The following CTNNAL1 variants were observed in gnomAD, a reference collection of about 807,000 sequenced individuals.
The protein encoded by CTNNAL1 is alpha-catulin.
In CTNNAL1, 69 loss-of-function variants were observed where a neutral mutation model predicts 93.6. That is an observed-to-expected ratio of 0.74 (90% confidence interval 0.61 to 0.90). The LOEUF (loss-of-function observed/expected upper bound fraction) is 0.90, where lower values mean the gene tolerates loss of function less well. Among genes scored for constraint, CTNNAL1 ranks in the 40% least tolerant of loss-of-function variants. The pLI is 0.00. For synonymous variants in CTNNAL1, 286 were observed against 305.4 expected (o/e 0.94, Z 0.66); for missense variants, 836 against 862.0 (o/e 0.97, Z 0.38).
intron 11 of CTNNAL1, among the ~76,000 whole-genome samples, chr9:108,962,116 C>T (rs1203464220): frequency 6.6e-6 from 1 of 152,176 alleles, no homozygotes; most frequent in Admixed American, 6.5e-5. Context: ...CTATAGTTTA[C>T]TCACTGTGGG....
chr9:108,996,744 T>G (rs1207061335), intron 2 of CTNNAL1, among the ~76,000 whole-genome samples: 1 of 152,112 alleles, frequency 6.6e-6, no homozygotes, highest in Non-Finnish European at 1.5e-5. Context: ...CCACAAAGCT[T>G]TCTTGCAAAA....
intron 11 of CTNNAL1, among the ~76,000 whole-genome samples, chr9:108,957,522 A>C (rs1383787241): frequency 6.6e-6 from 1 of 152,124 alleles, no homozygotes; most frequent in East Asian, 1.9e-4. Context: ...GGTACTTGGG[A>C]ATAGCTTTAT....
At chr9:108,950,507 A>G in intron 14 of CTNNAL1, 1 of 1,547,950 alleles carries the variant, frequency 6.5e-7, no homozygotes, top group East Asian at 2.4e-5. Flanking sequence ...CTTTTTCCAG[A>G]GAATTATCTA....
At chr9:108,950,497 C>T (rs1344159937) in intron 14 of CTNNAL1, 2 of 1,548,290 alleles carry the variant, frequency 1.3e-6, no homozygotes, top group Non-Finnish European at 8.7e-7. Context: ...TTTCTGCCTT[C>T]TTTTTCCAGA....
chr9:108,979,707 T>C (rs1379142189), intron 6 of CTNNAL1, among the ~76,000 whole-genome samples: 2 of 152,194 alleles, frequency 1.3e-5, no homozygotes, highest in Non-Finnish European at 2.9e-5. Flanking sequence ...GAGTAATTAA[T>C]ACAATGACAT....
intron 1 of CTNNAL1, among the ~76,000 whole-genome samples, chr9:109,012,467 C>T (rs1012996843): frequency 7.2e-5 from 11 of 152,194 alleles, no homozygotes; most frequent in Non-Finnish European, 1.5e-5. Context: ...AATTCACTCC[C>T]CACAGTGCTT....
At chr9:108,944,085 T>A in intron 15 of CTNNAL1, 67 bp from the exon 16 acceptor site, 1 of 1,382,402 alleles carries the variant, frequency 7.2e-7, no homozygotes, top group Non-Finnish European at 1.0e-6. Context: ...GAAATATACT[T>A]ACTAATAATT....
At chr9:108,973,438 G>C (rs1406100184) in intron 8 of CTNNAL1, among the ~76,000 whole-genome samples, 1 of 152,060 alleles carries the variant, frequency 6.6e-6, no homozygotes, top group Admixed American at 6.5e-5. Flanking sequence ...TGTACTAGAG[G>C]CTGGGCATAC....
In CTNNAL1 at chr9:108,990,836, T is replaced by C; in HGVS notation, c.529A>G (p.Thr177Ala). 2 of 1,612,556 alleles carry C rather than the reference T, an allele frequency of 1.2e-6. No individual in the cohort carries two copies. The highest frequency in any genetic ancestry group is 1.7e-6 in the Non-Finnish European group (2 of 1,179,596). ...IITSRNKVLA[T>A]MERLEKVNSF... ...TTCACTTTCTCTAGTCTTTCCATAGTTGCGAGAACCTGCAAAACAGATAAT... is the reference window on the plus strand; with the variant it reads ...TTCACTTTCTCTAGTCTTTCCATAGCTGCGAGAACCTGCAAAACAGATAAT... The change falls in exon 4 of 19, where the codon ACT becomes GCT. Residue 177 changes from threonine to alanine, a missense_variant. Coordinates refer to ENST00000325551, the MANE Select transcript of CTNNAL1 (RefSeq NM_003798.4).
intron 1 of CTNNAL1, among the ~76,000 whole-genome samples, chr9:109,012,004 C>T (rs1182821375): frequency 6.6e-6 from 1 of 152,156 alleles, no homozygotes; most frequent in Non-Finnish European, 1.5e-5. Flanking sequence ...AGGCGAGGAG[C>T]GGAGGGTCTG....
intron 8 of CTNNAL1, 31 bp from the exon 9 acceptor site, chr9:108,972,864 G>GGGGGGGGGGGGGCCCCC: frequency 1.4e-5 from 2 of 142,568 alleles, no homozygotes; most frequent in African/African-American, 9.6e-5. Context: ...GGGGGGGTGG[G>GGGGGGGGGGGGGCCCCC]AGGGTGGAGA....
At position 108,948,225 on chromosome 9, in the gene CTNNAL1, C is replaced by T. The variant is rs751710757; in HGVS notation, c.1845G>A (p.Gly615=). Residue 615 remains glycine, a synonymous_variant, in exon 15 of 19, where the codon GGG becomes GGA. Coordinates refer to ENST00000325551, the MANE Select transcript of CTNNAL1 (RefSeq NM_003798.4). ...TTAAATCCTGGGAAGTTTTCAGTGG[C>T]CCCTCTCCTCTAAAATAAAATTAAT... The part of the protein sequence containing the change: ...YSLYLFTRGE[G]PLKTSQDLIH... The T allele has an allele frequency of 1.9e-6, 3 of 1,611,344 alleles. No homozygotes were observed. The highest frequency in any genetic ancestry group is 1.7e-6 in the Non-Finnish European group (2 of 1,179,310).
Position 108,992,669 on chromosome 9 carries a change from C to T in CTNNAL1, c.482G>A (p.Arg161Gln), listed in dbSNP as rs912494476. Residue 161 changes from arginine to glutamine, a missense_variant, in exon 3 of 19, where the codon CGA (arginine) becomes CAA (glutamine). Physicochemically the swap from Arg to Gln is conservative, Grantham distance 43 (BLOSUM62 1). Transcript: ENST00000325551. ...TGTTATTATCTGTTTAATGACTACTCGGTCTGCCAGCAACAACACTTTTGT... is the reference window on the plus strand; with the variant it reads ...TGTTATTATCTGTTTAATGACTACTTGGTCTGCCAGCAACAACACTTTTGT... ...SVTKVLLLADRVVIKQIITSR... is the reference protein window; with the variant it reads ...SVTKVLLLADQVVIKQIITSR... 11 of 1,613,318 alleles carry T rather than the reference C, an allele frequency of 6.8e-6. No individual in the cohort carries two copies. The highest frequency in any genetic ancestry group is 2.7e-5 in the African/African-American group (2 of 74,888).
chr9:108,984,366 A>T lies in CTNNAL1; in HGVS notation c.710T>A (p.Met237Lys). The change falls in exon 5 of 19, where the codon ATG becomes AAG. Residue 237 changes from methionine (M) to lysine (K), a missense_variant. By Grantham distance (95) the Met-to-Lys change is moderately conservative. Transcript: ENST00000325551. ...ARAVLEKCTM[M>K]LLTASKTCLR... The stretch of plus-strand genomic sequence containing the variant: ...TCTTACCTTTGAAGCTGTGAGAAGC[A>T]TCATTGTACACTTTTCAAGAACTGC... 6.2e-7 allele frequency: 1 copy of T among 1,607,912 alleles called. No homozygotes were observed. Among genetic ancestry groups the T allele is most frequent in the South Asian group, 1.1e-5 (1 of 90,444 alleles).
chr9:109,006,254 T>A (rs1037176796), intron 1 of CTNNAL1, among the ~76,000 whole-genome samples: 2 of 152,238 alleles, frequency 1.3e-5, no homozygotes, highest in Non-Finnish European at 2.9e-5. Context: ...TAAGACTAGC[T>A]AACATTTGTT....
intron 11 of CTNNAL1, 50 bp from the exon 12 acceptor site, chr9:108,955,877 T>C (rs1201824466): frequency 2.5e-6 from 3 of 1,193,182 alleles, no homozygotes; most frequent in Non-Finnish European, 3.5e-6. Context: ...AATATATTTT[T>C]CTATTATTCA....
chr9:108,977,170 A>C (rs1831291087), intron 7 of CTNNAL1, 122 bp from the exon 8 acceptor site: 1 of 444,858 alleles, frequency 2.2e-6, no homozygotes, highest in African/African-American at 2.1e-5. Context: ...ATAAAAGTAG[A>C]TTTTCAAAAT....
chr9:108,960,086 C>G (rs764471848), intron 11 of CTNNAL1, among the ~76,000 whole-genome samples: 3 of 152,116 alleles, frequency 2.0e-5, no homozygotes, highest in Non-Finnish European at 4.4e-5. Context: ...TCTGGAGGCA[C>G]TCTATATGGT....
At chr9:108,968,077 T>C (rs1163673849) in intron 10 of CTNNAL1, among the ~76,000 whole-genome samples, 1 of 152,228 alleles carries the variant, frequency 6.6e-6, no homozygotes, top group Admixed American at 6.5e-5. Context: ...GGTTCCCCTC[T>C]TCAGGGAAAG....
Sources: allele counts gnomAD v4.1 joint callset (sites outside exome capture counted in the v4.1 genomes callset), GRCh38; gene constraint gnomAD v4.1.1; transcripts MANE v1.5; gene names NCBI Gene and HGNC (gene_info 2026-07-23, HGNC 2026-07-21).